Variants in SOAT1 observed in about 807,000 individuals in gnomAD.
The protein encoded by SOAT1 is acyl-coenzyme A:cholesterol acyltransferase 1.
A neutral mutation model predicts 69.5 loss-of-function variants in SOAT1; 55 were observed. The observed-to-expected ratio is 0.79, with a 90% CI of 0.64 to 0.99. SOAT1 has a LOEUF of 0.99. Ranked by LOEUF, SOAT1 falls within the 50% of genes least tolerant of loss-of-function variation. The probability of loss-of-function intolerance (pLI) is 0.00; values close to 1 mark genes in which losing one functional copy is unlikely to be tolerated. For synonymous variants in SOAT1, 231 were observed against 224.7 expected (o/e 1.03, Z -0.25); for missense variants, 580 against 669.3 (o/e 0.87, Z 1.47).
At chr1:179,334,506 T>C (rs1371073105) in intron 3 of SOAT1, among the ~76,000 whole-genome samples, 2 of 152,116 alleles carry the variant, frequency 1.3e-5, no homozygotes, top group African/African-American at 4.8e-5. Flanking sequence ...CTTTGTGAAA[T>C]TGTGTTGGCA....
rs994658241 is a variant in SOAT1 at position 179,337,996 on chromosome 1, G to C, written c.389+100G>C. 5.5e-6 allele frequency: 4 copies of C among 727,960 alleles called. No individual in the cohort carries two copies. In the African/African-American group the frequency reaches 7.2e-5, roughly 13 times the overall value. 45.1% of individuals were successfully genotyped at this position (727,960 alleles called of 1,614,324 possible). A position where few individuals can be genotyped will look rare whatever the true frequency, so the allele number is the denominator to read the frequency against. ...TGGACATGTAATGAGTTCTGTATCT[G>C]TATAAATCATTAGTGGGTTTTTTTC... On this transcript the variant is annotated intron_variant, in intron 5 of 15. Coordinates refer to ENST00000367619, the MANE Select transcript of SOAT1 (RefSeq NM_003101.6).
chr1:179,328,330 C>T (rs1353452891), intron 3 of SOAT1, among the ~76,000 whole-genome samples: 1 of 152,152 alleles, frequency 6.6e-6, no homozygotes, highest in East Asian at 1.9e-4. Context: ...AAAATATATT[C>T]AAATGATATT....
At chr1:179,335,097 C>T (rs1046676437) in intron 3 of SOAT1, among the ~76,000 whole-genome samples, 10 of 151,768 alleles carry the variant, frequency 6.6e-5, no homozygotes, top group Non-Finnish European at 7.4e-5. Context: ...GGCACAGTGC[C>T]GCCTGCCTGT....
intron 3 of SOAT1, among the ~76,000 whole-genome samples, chr1:179,326,965 G>A (rs1345081231): frequency 6.6e-6 from 1 of 152,186 alleles, no homozygotes; most frequent in Non-Finnish European, 1.5e-5. Context: ...GGGAGCTATT[G>A]TAATATTTTA....
intron 11 of SOAT1, among the ~76,000 whole-genome samples, chr1:179,345,358 T>A (rs1049873875): frequency 6.6e-6 from 1 of 152,242 alleles, no homozygotes; most frequent in Non-Finnish European, 1.5e-5. Flanking sequence ...TTCATTGTAA[T>A]CTTGCTCCTG....
rs185677305 is a variant in SOAT1, at chr1:179,347,713, A to C, written c.1215+16A>C. On this transcript the variant is annotated intron_variant, in intron 12 of 15. Coordinates refer to ENST00000367619, the MANE Select transcript of SOAT1 (RefSeq NM_003101.6). ...GTTCTATAAGGTAGTATATACTTAG[A>C]CTTAGCTTTCTTTTTACATTTTATT... is the stretch of plus-strand genomic sequence containing the variant. The C allele has an allele frequency of 1.4e-6, 2 of 1,441,464 alleles. No homozygotes were observed. Among genetic ancestry groups the C allele is most frequent in the Non-Finnish European group, 9.6e-7 (1 of 1,043,894 alleles). The allele number at this position is 1,441,464 out of a possible 1,614,324, so 89.3% of individuals were successfully genotyped here. A position where few individuals can be genotyped will look rare whatever the true frequency, so the allele number is the denominator to read the frequency against.
rs144708434 is a variant in SOAT1, at chr1:179,354,792, T to C, written c.*1151T>C. On this transcript the variant is annotated 3_prime_UTR_variant, in exon 16 of 16. Coordinates refer to ENST00000367619, the MANE Select transcript of SOAT1 (RefSeq NM_003101.6). ...CATTTTATAAGATGCCCATTTCTAATACAATGTGTGTAGGAATTATTTGTA... is the reference window on the plus strand; with the variant it reads ...CATTTTATAAGATGCCCATTTCTAACACAATGTGTGTAGGAATTATTTGTA... The C allele has an allele frequency of 2.0e-5, 3 of 152,354 alleles. No individual in the cohort carries two copies. The highest frequency in any genetic ancestry group is 3.9e-4 in the East Asian group (2 of 5,194). 9.4% of individuals were successfully genotyped at this position (152,354 alleles called of 1,614,324 possible).
intron 10 of SOAT1, 124 bp downstream of exon 10, chr1:179,343,759 CT>C (rs952197713): frequency 1.5e-5 from 10 of 681,094 alleles, no homozygotes; most frequent in Non-Finnish European, 2.0e-5. Flanking sequence ...ATTATGCAGT[CT>C]TTTAAACTAT....
At chr1:179,338,229 A>G (rs185432052) in intron 5 of SOAT1, among the ~76,000 whole-genome samples, 1 of 152,270 alleles carries the variant, frequency 6.6e-6, no homozygotes, top group African/African-American at 2.4e-5. Context: ...TCTACAAAAA[A>G]TACAAAAAAT....
intron 2 of SOAT1, 72 bp from the exon 3 acceptor site, chr1:179,323,365 T>G: frequency 7.7e-7 from 1 of 1,292,628 alleles, no homozygotes. Context: ...TGTTTTCAAC[T>G]TTATGATTTA....
intron 2 of SOAT1, among the ~76,000 whole-genome samples, chr1:179,310,615 A>G (rs994481552): frequency 2.6e-5 from 4 of 152,154 alleles, no homozygotes; most frequent in African/African-American, 7.2e-5. Flanking sequence ...TTCAAGAAAT[A>G]CTCCTAAACC....
chr1:179,318,935 G>A (rs147945788), intron 2 of SOAT1, among the ~76,000 whole-genome samples: 113 of 152,144 alleles, frequency 7.4e-4, no homozygotes, highest in Middle Eastern at 6.8e-3. Flanking sequence ...TTTTGAGAGG[G>A]CATGTTTTTA....
intron 12 of SOAT1, 98 bp downstream of exon 12, chr1:179,347,795 C>A: frequency 1.5e-6 from 1 of 683,924 alleles, no homozygotes; most frequent in Non-Finnish European, 2.5e-6. Context: ...GCCTTTCACA[C>A]AAACATTGTG....
chr1:179,294,521 G>A (rs1664562163), intron 1 of SOAT1: 1 of 152,160 alleles, frequency 6.6e-6, no homozygotes. Flanking sequence ...ATATATTTAG[G>A]TTAAGTTCGT....
chr1:179,302,838 G>T (rs745416065), intron 2 of SOAT1, 36 bp downstream of exon 2: 3 of 1,112,342 alleles, frequency 2.7e-6, no homozygotes, highest in Non-Finnish European at 3.9e-6. Flanking sequence ...GTGAATTAGT[G>T]AAATAGAGAA....
At chr1:179,295,614 C>T (rs1456105960) in intron 1 of SOAT1, among the ~76,000 whole-genome samples, 3 of 152,184 alleles carry the variant, frequency 2.0e-5, no homozygotes, top group Admixed American at 2.0e-4. Context: ...GTTTCAGCTA[C>T]CTGAGGTGCG....
intron 2 of SOAT1, among the ~76,000 whole-genome samples, chr1:179,313,246 C>T (rs1217820306): frequency 3.3e-5 from 5 of 152,136 alleles, no homozygotes; most frequent in African/African-American, 1.2e-4. Context: ...TACATAGTTG[C>T]AGACTATACT....
chr1:179,329,921 G>A (rs77788942), intron 3 of SOAT1, among the ~76,000 whole-genome samples: 60 of 152,220 alleles, frequency 3.9e-4, no homozygotes, highest in African/African-American at 1.4e-3. Flanking sequence ...CAGTTCAGAG[G>A]TAGCAGGTCC....
At chr1:179,342,702 C>T (rs570354035) in intron 8 of SOAT1, among the ~76,000 whole-genome samples, 160 bp from the exon 9 acceptor site, 11 of 152,252 alleles carry the variant, frequency 7.2e-5, no homozygotes, top group Non-Finnish European at 1.3e-4. Context: ...ATATTCAATT[C>T]GTGCAAGAAT....
Sources: allele counts gnomAD v4.1 joint callset (sites outside exome capture counted in the v4.1 genomes callset), GRCh38; gene constraint gnomAD v4.1.1; transcripts MANE v1.5; gene names NCBI Gene and HGNC (gene_info 2026-07-23, HGNC 2026-07-21).